TENM1: variants seen among roughly 807,000 people sequenced by gnomAD.
TENM1 encodes the protein teneurin transmembrane protein 1.
Under a neutral mutation model 174.8 loss-of-function variants are expected in TENM1, and 35 were observed. That is an observed-to-expected ratio of 0.20 (90% CI 0.15 to 0.27). TENM1 has a LOEUF of 0.27. TENM1 is among the 10% of genes least tolerant of loss of function. The pLI, the probability that TENM1 is intolerant of heterozygous loss-of-function variation, is 1.00. For synonymous variants in TENM1, 781 were observed against 798.7 expected, an observed-to-expected ratio of 0.98 and a Z score of 0.37; for missense variants, 1,633 against 2,130.1, an observed-to-expected ratio of 0.77 and a Z score of 4.59.
chrX:124,403,377 G>A (rs746480576), intron 27 of TENM1, among the ~76,000 whole-genome samples: 7 of 109,370 alleles, frequency 6.4e-5, no homozygotes, highest in South Asian at 4.0e-4. Context: ...AAAAGTAGCC[G>A]GGTGTGGTGG....
chrX:124,877,992 T>G (rs1015147263), intron 3 of TENM1, among the ~76,000 whole-genome samples: 9 of 111,312 alleles, frequency 8.1e-5, no homozygotes, highest in African/African-American at 2.9e-4. Context: ...ATCATAAAGG[T>G]CTTCATCTTC....
At chrX:124,816,897 A>G (rs1428102216) in intron 3 of TENM1, among the ~76,000 whole-genome samples, 2 of 110,849 alleles carry the variant, frequency 1.8e-5, no homozygotes, top group Non-Finnish European at 3.8e-5. Context: ...TAAAATTTAA[A>G]AAAAATTATA....
chrX:124,952,335 GGTGTGTGTGTGTGT>G (rs34542293), intron 1 of TENM1, among the ~76,000 whole-genome samples: 1 of 98,790 alleles, frequency 1.0e-5, no homozygotes, highest in African/African-American at 3.7e-5. Flanking sequence ...TTATGTATGG[GGTGTGTGTGTGTGT>G]GTGTGTGTGT....
At chrX:125,054,175 G>A in the TENM1 span, among the ~76,000 whole-genome samples, 2 of 110,250 alleles carry the variant, frequency 1.8e-5, no homozygotes, top group Non-Finnish European at 3.8e-5. Context: ...TGAGGATACA[G>A]GATATAGGAT....
intron 21 of TENM1, among the ~76,000 whole-genome samples, chrX:124,485,158 A>T (rs1313062405): frequency 5.4e-5 from 6 of 111,634 alleles, no homozygotes; most frequent in African/African-American, 2.0e-4. Flanking sequence ...TCAGGCCTGC[A>T]AATACTAATT....
At position 124,856,021 on chromosome X, in the gene TENM1, T is replaced by C. The variant is rs766043647; in HGVS notation, c.535+38275A>G. Among the ~76,000 whole-genome samples the C allele has an allele frequency of 3.6e-5, 4 of 110,062 alleles. No individual in the cohort carries two copies. The Admixed American group carries it at 3.9e-4, about 11-fold the overall frequency. On this transcript the variant is annotated intron_variant, in intron 3 of 31. Transcript: ENST00000422452. ...TATGAAGGAGTGTTGGGTACGGTGG[T>C]GGGAGTTTCAGTTTGTTTTTTTTTA...
the TENM1 span, among the ~76,000 whole-genome samples, chrX:125,186,718 C>T: frequency 1.8e-5 from 2 of 110,973 alleles, no homozygotes; most frequent in South Asian, 3.8e-4. Flanking sequence ...TGCCATGTTT[C>T]TTTAAAGCCT....
chrX:124,383,412 C>T (rs774897126), intron 30 of TENM1, among the ~76,000 whole-genome samples: 3 of 111,810 alleles, frequency 2.7e-5, no homozygotes, highest in Non-Finnish European at 5.6e-5. Context: ...AAGAGTAAAA[C>T]ACAGAAACAG....
chrX:124,877,001 A>AT (rs2057215469), intron 3 of TENM1, among the ~76,000 whole-genome samples: 1 of 112,164 alleles, frequency 8.9e-6, no homozygotes, highest in African/African-American at 3.2e-5. Flanking sequence ...TAGTTCTCAG[A>AT]TTTTATCATA....
At chrX:124,786,262 T>C (rs777730631) in intron 3 of TENM1, among the ~76,000 whole-genome samples, 37 of 111,855 alleles carry the variant, frequency 3.3e-4, no homozygotes, top group Non-Finnish European at 6.2e-4. Flanking sequence ...GCTTCTGCCA[T>C]TCAGTTTTCA....
intron 20 of TENM1, among the ~76,000 whole-genome samples, chrX:124,488,588 G>A (rs1006867870): frequency 1.8e-5 from 2 of 112,033 alleles, no homozygotes; most frequent in African/African-American, 3.2e-5. Context: ...CTGGCCGCAG[G>A]CATTTACGCC....
At chrX:124,961,986 C>G (rs73215179) in intron 1 of TENM1, among the ~76,000 whole-genome samples, 173 of 111,471 alleles carry the variant, frequency 1.6e-3, no homozygotes, top group Non-Finnish European at 3.0e-3. Context: ...GAGATTAACT[C>G]TGCTGGATGA....
chrX:124,581,587 T>A (rs2049312941), intron 11 of TENM1, among the ~76,000 whole-genome samples: 1 of 112,495 alleles, frequency 8.9e-6, no homozygotes, highest in African/African-American at 3.2e-5. Context: ...ATGGTAGTTT[T>A]GTTTTAACTT....
intron 11 of TENM1, among the ~76,000 whole-genome samples, chrX:124,584,165 G>A (rs2049419012): frequency 9.1e-6 from 1 of 109,397 alleles, no homozygotes; most frequent in South Asian, 4.0e-4. Context: ...CCAACATTCA[G>A]ATTCAGGAAA....
intron 1 of TENM1, among the ~76,000 whole-genome samples, chrX:124,935,626 T>C (rs1257495141): frequency 8.9e-6 from 1 of 112,818 alleles, no homozygotes; most frequent in Non-Finnish European, 1.9e-5. Context: ...CCAACAAATG[T>C]TTACCAAATC....
chrX:124,832,987 TG>T (rs1341897337), intron 3 of TENM1, among the ~76,000 whole-genome samples: 1 of 112,118 alleles, frequency 8.9e-6, no homozygotes, highest in East Asian at 2.8e-4. Context: ...GCGTGCATTT[TG>T]ACCATTAAGG....
intron 5 of TENM1, among the ~76,000 whole-genome samples, chrX:124,683,943 G>C (rs914442206): frequency 2.7e-5 from 3 of 111,639 alleles, no homozygotes; most frequent in African/African-American, 9.7e-5. Flanking sequence ...CATTATTTTT[G>C]TATGGTTTGA....
At chrX:125,059,025 C>T in the TENM1 span, among the ~76,000 whole-genome samples, 7 of 109,614 alleles carry the variant, frequency 6.4e-5, no homozygotes, top group African/African-American at 2.0e-4. Flanking sequence ...ACTGTGCACC[C>T]ATTAGTAGTC....
chrX:124,681,101 G>C (rs2052222755), intron 5 of TENM1, among the ~76,000 whole-genome samples: 1 of 111,832 alleles, frequency 8.9e-6, no homozygotes, highest in Non-Finnish European at 1.9e-5. Context: ...ACTTTTCTGA[G>C]TTAGCATCAT....
Sources: gnomAD v4.1 joint callset for allele counts (sites outside exome capture counted in the v4.1 genomes callset) on GRCh38, gnomAD v4.1.1 for gene constraint, MANE v1.5 for transcripts, NCBI Gene and HGNC (gene_info 2026-07-23, HGNC 2026-07-21) for gene names.